S100PBP: variants seen among roughly 807,000 people sequenced by gnomAD.
S100PBP encodes S100P binding protein.
A neutral mutation model predicts 39.9 loss-of-function variants in S100PBP; 15 were observed. The observed-to-expected ratio is 0.38, with a 90% CI of 0.25 to 0.58. The LOEUF is 0.58. S100PBP is among the 20% of genes least tolerant of loss of function. S100PBP has a pLI of 0.70. For synonymous variants in S100PBP, 178 were observed against 180.3 expected, an observed-to-expected ratio of 0.99 and a Z score of 0.10; for missense variants, 504 against 487.3, an observed-to-expected ratio of 1.03 and a Z score of -0.32.
upstream of S100PBP, chr1:32,817,407 G>A: frequency 3.7e-6 from 3 of 810,298 alleles, no homozygotes; most frequent in South Asian, 3.1e-5. Context: ...GCAGCGGCCG[G>A]AAAAAGTGAG....
chr1:32,818,530 C>G (rs779692424), intron 1 of S100PBP: 2 of 152,354 alleles, frequency 1.3e-5, no homozygotes, highest in African/African-American at 2.4e-5. Flanking sequence ...ATTAGGGACT[C>G]CAAGCTCTAC....
Position 32,858,792 on chromosome 1 carries a change from G to C in S100PBP, c.*2754G>C, listed in dbSNP as rs1337787994. The C allele has an allele frequency of 1.3e-5, 2 of 152,020 alleles. No individual in the cohort carries two copies. The highest frequency in any genetic ancestry group is 2.9e-5 in the Non-Finnish European group (2 of 68,000). The allele number at this position is 152,020 out of a possible 1,614,324, so 9.4% of individuals were successfully genotyped here. On this transcript the variant is annotated 3_prime_UTR_variant, in exon 7 of 7. Coordinates refer to ENST00000373475, the MANE Select transcript of S100PBP (RefSeq NM_022753.4). ...AGTTTCAATTATGAAACTGAAGTTT[G>C]GTGCCTCCTCTTTATCATGTTTTTT...
chr1:32,830,001 C>G lies in S100PBP; in HGVS notation c.958C>G (p.Gln320Glu), dbSNP rs974301576. The G allele has an allele frequency of 1.2e-6, 2 of 1,614,010 alleles. No individual in the cohort carries two copies. Among genetic ancestry groups the G allele is most frequent in the Non-Finnish European group, 1.7e-6 (2 of 1,179,958 alleles). The change falls in exon 5 of 7, where the codon CAG becomes GAG. Residue 320 changes from glutamine to glutamate, a missense_variant. Transcript: ENST00000373475. ...VPTFSQSNLE[Q>E]QKQLYLRSVI... ...GACGTTTTCACAGTCAAATCTAGAA[C>G]AGCAGAAGCAGCTTTATCTCAGGAG...
rs868200793 is a variant in S100PBP, at chr1:32,827,964, T to C, written c.832-29T>C. ...TTTTCTTATAACTAAGAATCACCTT[T>C]CCTTTTGCATTCCTTTTCCTCAAAA... On this transcript the variant is annotated intron_variant, in intron 3 of 6. Coordinates refer to ENST00000373475, the MANE Select transcript of S100PBP (RefSeq NM_022753.4). 33 of 1,443,948 alleles carry C rather than the reference T, an allele frequency of 2.3e-5. No homozygotes were observed. In the Middle Eastern group the frequency reaches 2.8e-3, roughly 123 times the overall value. 89.4% of individuals were successfully genotyped at this position (1,443,948 alleles called of 1,614,324 possible).
chr1:32,851,538 C>T (rs1468636959), intron 5 of S100PBP, among the ~76,000 whole-genome samples: 1 of 151,936 alleles, frequency 6.6e-6, no homozygotes, highest in East Asian at 1.9e-4. Context: ...TGGTGGCAGG[C>T]GCCTGTAATC....
intron 5 of S100PBP, among the ~76,000 whole-genome samples, chr1:32,843,719 CTGGGATTACAGG>C (rs1023733193): frequency 4.6e-5 from 7 of 152,088 alleles, no homozygotes; most frequent in African/African-American, 1.4e-4. Flanking sequence ...TCTCAAAGTG[CTGGGATTACAGG>C]TGTGAGCCAC....
intron 6 of S100PBP, among the ~76,000 whole-genome samples, chr1:32,855,361 A>G (rs1640779202): frequency 6.6e-6 from 1 of 152,208 alleles, no homozygotes; most frequent in Non-Finnish European, 1.5e-5. Context: ...TCTTGCTCAG[A>G]ACTGCAGCCC....
At chr1:32,838,757 C>T (rs907596711) in intron 5 of S100PBP, among the ~76,000 whole-genome samples, 1 of 151,740 alleles carries the variant, frequency 6.6e-6, no homozygotes, top group Admixed American at 6.6e-5. Flanking sequence ...GCAGGAGAAT[C>T]GCTGGAACCC....
intron 3 of S100PBP, among the ~76,000 whole-genome samples, chr1:32,827,390 A>C (rs1019959350): frequency 6.6e-6 from 1 of 152,198 alleles, no homozygotes; most frequent in African/African-American, 2.4e-5. Flanking sequence ...TGAATCAGCC[A>C]TGAAAGAGCT....
Position 32,826,378 on chromosome 1 carries a change from T to C in S100PBP, c.279T>C (p.Asp93=). The part of the protein sequence containing the change: ...KGERGSQILL[D]TPREKNSSYS... ...AAAGAGGGAGTCAAATTCTACTTGA[T>C]ACTCCCCGAGAGAAAAATTCATCGT... Residue 93 remains aspartate (D), a synonymous_variant, in exon 3 of 7, where the codon GAT becomes GAC. Coordinates refer to ENST00000373475, the MANE Select transcript of S100PBP (RefSeq NM_022753.4). The C allele has an allele frequency of 6.2e-7, 1 of 1,614,160 alleles. No homozygotes were observed. The highest frequency in any genetic ancestry group is 1.1e-5 in the South Asian group (1 of 91,086).
In S100PBP at chr1:32,855,625, C is replaced by T. The variant is rs561540533; in HGVS notation, c.1113-299C>T. Among the ~76,000 whole-genome samples the T allele has an allele frequency of 1.6e-4, 25 of 151,998 alleles. No individual in the cohort carries two copies. In the East Asian group the frequency reaches 2.7e-3, roughly 16 times the overall value. The stretch of plus-strand genomic sequence containing the variant: ...AAAATGGTTTTTTTTTTCTCCCCTA[C>T]TTAAACATTATTCTACATTAGTTTT... On this transcript the variant is annotated intron_variant, in intron 6 of 6. Coordinates refer to ENST00000373475, the MANE Select transcript of S100PBP (RefSeq NM_022753.4).
At chr1:32,831,435 G>A (rs181085067) in intron 5 of S100PBP, among the ~76,000 whole-genome samples, 1 of 151,612 alleles carries the variant, frequency 6.6e-6, no homozygotes, top group Non-Finnish European at 1.5e-5. Context: ...CACTGGGGAG[G>A]GTTTTAGGAG....
chr1:32,834,676 C>T (rs61800872), intron 5 of S100PBP, among the ~76,000 whole-genome samples: 20,863 of 152,162 alleles, frequency 0.14, 1,778 homozygotes, highest in South Asian at 0.23. Flanking sequence ...GCCATGTCTT[C>T]CCATTGTAAA....
intron 1 of S100PBP, among the ~76,000 whole-genome samples, chr1:32,821,512 G>C (rs771334977): frequency 6.6e-6 from 1 of 151,970 alleles, no homozygotes; most frequent in Non-Finnish European, 1.5e-5. Context: ...AGTAGAGTTG[G>C]GGTTTCACCA....
chr1:32,821,818 T>C (rs574043470), intron 1 of S100PBP, among the ~76,000 whole-genome samples: 1 of 152,130 alleles, frequency 6.6e-6, no homozygotes, highest in South Asian at 2.1e-4. Flanking sequence ...TTTGTAGTTT[T>C]AGTAGAAATG....
In S100PBP at chr1:32,839,345, C is replaced by T. The variant is rs1639985657; in HGVS notation, c.1024+9278C>T. On this transcript the variant is annotated intron_variant, in intron 5 of 6. Transcript: ENST00000373475. ...TCCTTTTTAAGACTTAATAATACAG[C>T]ATATGGATACCACATTTTGATTATC... Among the ~76,000 whole-genome samples the T allele has an allele frequency of 2.0e-5, 3 of 152,324 alleles. No individual in the cohort carries two copies. The South Asian group carries it at 6.2e-4, about 32-fold the overall frequency.
At chr1:32,820,029 T>C (rs2148627915) in intron 1 of S100PBP, among the ~76,000 whole-genome samples, 1 of 152,162 alleles carries the variant, frequency 6.6e-6, no homozygotes. Context: ...TCAGTGACAA[T>C]ATGGTTGAGT....
Position 32,825,316 on chromosome 1 carries a change from G to GGT in S100PBP, c.-114_-113dup, listed in dbSNP as rs1639275780. On this transcript the variant is annotated 5_prime_UTR_variant, in exon 2 of 7. Coordinates refer to ENST00000373475, the MANE Select transcript of S100PBP (RefSeq NM_022753.4). ...CTAATTTTCTTTTTGCCTGCAGGAA[G>GGT]GTGGGAGTCAATCATTTTGACAAGT... 1 of 152,134 alleles carries GGT rather than the reference G, an allele frequency of 6.6e-6. No individual in the cohort carries two copies. The highest frequency in any genetic ancestry group is 1.5e-5 in the Non-Finnish European group (1 of 68,018). 9.4% of individuals were successfully genotyped at this position (152,134 alleles called of 1,614,324 possible). A position where few individuals can be genotyped will look rare whatever the true frequency, so the allele number is the denominator to read the frequency against.
intron 5 of S100PBP, among the ~76,000 whole-genome samples, chr1:32,839,352 A>C (rs1229833253): frequency 6.6e-6 from 1 of 152,192 alleles, no homozygotes; most frequent in Non-Finnish European, 1.5e-5. Context: ...CAGCATATGG[A>C]TACCACATTT....
Sources: gnomAD v4.1 joint callset for allele counts (sites outside exome capture counted in the v4.1 genomes callset) on GRCh38, gnomAD v4.1.1 for gene constraint, MANE v1.5 for transcripts, NCBI Gene and HGNC (gene_info 2026-07-23, HGNC 2026-07-21) for gene names.